The following MAP4K3 variants were observed in gnomAD, a reference collection of about 807,000 sequenced individuals.
MAP4K3 encodes MAPK/ERK kinase kinase kinase 3.
In MAP4K3, 94 loss-of-function variants were observed where a neutral mutation model predicts 143.5. That is an observed-to-expected ratio of 0.65 (90% CI 0.55 to 0.78). The LOEUF (loss-of-function observed/expected upper bound fraction) is 0.78. MAP4K3 is among the 30% of genes least tolerant of loss of function. MAP4K3 has a pLI of 0.00. For missense variants in MAP4K3, 1,077 were observed against 1,068.1 expected (o/e 1.01, Z -0.12); for synonymous variants, 416 against 347.2 (o/e 1.20, Z -2.20).
At chr2:39,401,101 G>A (rs1279031231) in intron 1 of MAP4K3, among the ~76,000 whole-genome samples, 1 of 152,146 alleles carries the variant, frequency 6.6e-6, no homozygotes, top group Non-Finnish European at 1.5e-5. Context: ...GAACCCAGAT[G>A]GAGCCTGATG....
At chr2:39,288,951 C>G (rs1266620648) in intron 19 of MAP4K3, among the ~76,000 whole-genome samples, 1 of 152,158 alleles carries the variant, frequency 6.6e-6, no homozygotes, top group African/African-American at 2.4e-5. Flanking sequence ...ACTCAGGAGG[C>G]TGAGGCAGGA....
chr2:39,395,321 G>T (rs1260064621), intron 1 of MAP4K3, among the ~76,000 whole-genome samples: 1 of 78,434 alleles, frequency 1.3e-5, no homozygotes, highest in Non-Finnish European at 2.5e-5. Context: ...CTACATGCAC[G>T]TACACATACA....
At chr2:39,391,294 G>A (rs1335747885) in intron 1 of MAP4K3, among the ~76,000 whole-genome samples, 1 of 136,424 alleles carries the variant, frequency 7.3e-6, no homozygotes, top group African/African-American at 2.7e-5. Flanking sequence ...AGGCGGCAGA[G>A]CTTGCAGTGA....
At chr2:39,348,493 T>C (rs970161149) in intron 3 of MAP4K3, among the ~76,000 whole-genome samples, 5 of 152,270 alleles carry the variant, frequency 3.3e-5, no homozygotes, top group African/African-American at 1.2e-4. Context: ...ATCTGTCCCA[T>C]GAATATCTTT....
At chr2:39,351,019 G>C (rs1451795568) in intron 3 of MAP4K3, among the ~76,000 whole-genome samples, 1 of 152,106 alleles carries the variant, frequency 6.6e-6, no homozygotes, top group Non-Finnish European at 1.5e-5. Context: ...TATTTACATA[G>C]CATTTACACT....
In MAP4K3 at chr2:39,369,400, G is replaced by C. The variant is rs146382413; in HGVS notation, c.154+8666C>G. 5.3e-5 allele frequency among the ~76,000 whole-genome samples: 8 copies of C among 151,890 alleles called. No individual in the cohort carries two copies. In the East Asian group the frequency reaches 1.6e-3, roughly 29 times the overall value. ...GACCTCAGCTGATCTGCCCGCCTCG[G>C]CCTCCCAAAGTGCTGGGATTACAGG... On this transcript the variant is annotated intron_variant, in intron 2 of 33. Coordinates refer to ENST00000263881, the MANE Select transcript of MAP4K3 (RefSeq NM_003618.4).
chr2:39,288,774 C>A (rs1225595744), intron 19 of MAP4K3, among the ~76,000 whole-genome samples: 1 of 152,130 alleles, frequency 6.6e-6, no homozygotes, highest in African/African-American at 2.4e-5. Flanking sequence ...ATCATGTGGC[C>A]GGGTGCGGTG....
At chr2:39,396,350 G>C (rs72929192) in intron 1 of MAP4K3, among the ~76,000 whole-genome samples, 2 of 151,794 alleles carry the variant, frequency 1.3e-5, no homozygotes, top group Non-Finnish European at 2.9e-5. Flanking sequence ...ACAAGTATTT[G>C]TATACCAATA....
intron 1 of MAP4K3, among the ~76,000 whole-genome samples, chr2:39,403,791 T>A (rs1159807405): frequency 6.6e-6 from 1 of 150,920 alleles, no homozygotes; most frequent in Non-Finnish European, 1.5e-5. Flanking sequence ...ACCCCTCCCC[T>A]AACCCCAGCT....
At chr2:39,332,207 T>TA (rs1342512793) in intron 7 of MAP4K3, among the ~76,000 whole-genome samples, 2 of 152,082 alleles carry the variant, frequency 1.3e-5, no homozygotes, top group Non-Finnish European at 2.9e-5. Context: ...GATTCCCATA[T>TA]ATCCCCACAT....
chr2:39,393,330 T>C (rs1264016464), intron 1 of MAP4K3, among the ~76,000 whole-genome samples: 1 of 152,190 alleles, frequency 6.6e-6, no homozygotes, highest in Non-Finnish European at 1.5e-5. Flanking sequence ...ACACAACATA[T>C]TCTACCCAAT....
intron 1 of MAP4K3, among the ~76,000 whole-genome samples, chr2:39,394,517 T>G (rs1666752608): frequency 6.6e-6 from 1 of 152,240 alleles, no homozygotes; most frequent in South Asian, 2.1e-4. Context: ...TAGCTATGTT[T>G]TCTGTTGTGC....
chr2:39,346,970 G>C (rs1428397942), intron 3 of MAP4K3, among the ~76,000 whole-genome samples: 1 of 152,000 alleles, frequency 6.6e-6, no homozygotes, highest in African/African-American at 2.4e-5. Flanking sequence ...TCCTCTAAAA[G>C]AGTGAGTGGT....
intron 8 of MAP4K3, among the ~76,000 whole-genome samples, chr2:39,327,486 T>C (rs1640374235): frequency 6.6e-6 from 1 of 152,178 alleles, no homozygotes; most frequent in Admixed American, 6.5e-5. Flanking sequence ...ACAAAAATTT[T>C]CAAATCCTAA....
chr2:39,294,919 A>C (rs1164740207), intron 16 of MAP4K3, among the ~76,000 whole-genome samples: 1 of 152,130 alleles, frequency 6.6e-6, no homozygotes, highest in Non-Finnish European at 1.5e-5. Context: ...TTATTTTCTC[A>C]TGAGTATACA....
chr2:39,293,881 T>C (rs1225051219), intron 16 of MAP4K3: 2 of 152,716 alleles, frequency 1.3e-5, no homozygotes, highest in Non-Finnish European at 2.9e-5. Context: ...GGCAAACACA[T>C]TTACACTTTT....
intron 21 of MAP4K3, among the ~76,000 whole-genome samples, chr2:39,286,630 T>A (rs1462812154): frequency 6.6e-6 from 1 of 152,220 alleles, no homozygotes; most frequent in Non-Finnish European, 1.5e-5. Flanking sequence ...TTGGTCTAAA[T>A]AATGTAAACG....
intron 3 of MAP4K3, among the ~76,000 whole-genome samples, chr2:39,351,416 A>G (rs1161101984): frequency 6.6e-6 from 1 of 152,218 alleles, no homozygotes. Context: ...TCTGTGCCTT[A>G]CTTCTAAATT....
At chr2:39,306,046 T>A (rs1573124368) in intron 15 of MAP4K3, among the ~76,000 whole-genome samples, 1 of 152,184 alleles carries the variant, frequency 6.6e-6, no homozygotes, top group East Asian at 1.9e-4. Flanking sequence ...GCCAGGATGG[T>A]CTCGATCTCC....
Sources: gnomAD v4.1 joint callset for allele counts (sites outside exome capture counted in the v4.1 genomes callset) on GRCh38, gnomAD v4.1.1 for gene constraint, MANE v1.5 for transcripts, NCBI Gene and HGNC (gene_info 2026-07-23, HGNC 2026-07-21) for gene names.